MARCHF1: variants seen among roughly 807,000 people sequenced by gnomAD.
The protein encoded by MARCHF1 is membrane associated ring-CH-type finger 1.
Under a neutral mutation model 54.2 loss-of-function variants are expected in MARCHF1, and 40 were observed. The observed-to-expected ratio is 0.74, with a 90% CI of 0.57 to 0.96. The LOEUF is 0.96. Among genes scored for constraint, MARCHF1 ranks in the 40% least tolerant of loss-of-function variants. MARCHF1 has a pLI of 0.00. For synonymous variants in MARCHF1, 236 were observed against 236.3 expected (o/e 1.00, Z 0.01); for missense variants, 586 against 656.5 (o/e 0.89, Z 1.17).
intron 4 of MARCHF1, among the ~76,000 whole-genome samples, chr4:163,744,641 G>A (rs1003897160): frequency 2.0e-5 from 3 of 151,984 alleles, no homozygotes; most frequent in African/African-American, 4.8e-5. Context: ...TTTCTTAATC[G>A]TGCATTGCTT....
intron 1 of MARCHF1, among the ~76,000 whole-genome samples, chr4:164,214,132 C>A (rs1731861844): frequency 6.6e-6 from 1 of 150,976 alleles, no homozygotes; most frequent in Non-Finnish European, 1.5e-5. Flanking sequence ...GTGACACATA[C>A]AACAATATTT....
At chr4:163,613,534 G>A in intron 5 of MARCHF1, 141 bp from the exon 6 acceptor site, 1 of 1,563,884 alleles carries the variant, frequency 6.4e-7, no homozygotes, top group Non-Finnish European at 8.7e-7. Flanking sequence ...AGAGAATATA[G>A]GAAGTTTGAG....
chr4:163,722,785 G>A (rs1470544776), intron 4 of MARCHF1, among the ~76,000 whole-genome samples: 1 of 151,504 alleles, frequency 6.6e-6, no homozygotes, highest in Non-Finnish European at 1.5e-5. Context: ...TTATGTAATG[G>A]CCTTGTCTCT....
chr4:163,894,565 A>C (rs1444191381), intron 3 of MARCHF1, among the ~76,000 whole-genome samples: 1 of 131,096 alleles, frequency 7.6e-6, no homozygotes, highest in Non-Finnish European at 1.7e-5. Flanking sequence ...ACATGCATAT[A>C]TATATATGCA....
chr4:164,115,371 T>C (rs1411648699), intron 1 of MARCHF1, among the ~76,000 whole-genome samples: 2 of 152,076 alleles, frequency 1.3e-5, no homozygotes, highest in Admixed American at 6.6e-5. Context: ...TAAATGAAGA[T>C]ATGGCATGTT....
intron 1 of MARCHF1, among the ~76,000 whole-genome samples, chr4:164,280,005 T>A (rs1158690035): frequency 6.6e-6 from 1 of 151,882 alleles, no homozygotes; most frequent in Admixed American, 6.6e-5. Flanking sequence ...AAATATTTTA[T>A]CACATCAAAA....
intron 3 of MARCHF1, among the ~76,000 whole-genome samples, chr4:163,924,688 G>T (rs950334071): frequency 6.6e-6 from 1 of 151,812 alleles, no homozygotes; most frequent in Non-Finnish European, 1.5e-5. Flanking sequence ...AGAAAATAGG[G>T]ATAGAGAGGA....
chr4:163,982,292 G>C (rs9631751), intron 3 of MARCHF1, among the ~76,000 whole-genome samples: 6,140 of 152,204 alleles, frequency 0.04, 340 homozygotes, highest in East Asian at 0.14. Flanking sequence ...TCTACCCCTT[G>C]GCATTCACCC....
intron 2 of MARCHF1, among the ~76,000 whole-genome samples, chr4:164,015,881 A>G (rs1302396535): frequency 6.6e-6 from 1 of 150,854 alleles, no homozygotes; most frequent in East Asian, 1.9e-4. Flanking sequence ...GCAACTATGG[A>G]AAACAGTATA....
At chr4:164,242,727 T>C (rs986817445) in intron 1 of MARCHF1, among the ~76,000 whole-genome samples, 1 of 152,090 alleles carries the variant, frequency 6.6e-6, no homozygotes, top group Non-Finnish European at 1.5e-5. Flanking sequence ...TTGAAAACTT[T>C]GAAAAAAATT....
chr4:164,313,654 T>G (rs1238777033), intron 1 of MARCHF1, among the ~76,000 whole-genome samples: 1 of 152,228 alleles, frequency 6.6e-6, no homozygotes, highest in East Asian at 1.9e-4. Flanking sequence ...AAATAGTTAC[T>G]AAAGCTTAAA....
At chr4:164,309,006 G>T (rs1354298808) in intron 1 of MARCHF1, among the ~76,000 whole-genome samples, 2 of 151,674 alleles carry the variant, frequency 1.3e-5, no homozygotes, top group Admixed American at 6.6e-5. Flanking sequence ...ATAGCTCAGG[G>T]TTACATAAAA....
intron 5 of MARCHF1, among the ~76,000 whole-genome samples, chr4:163,622,976 C>A (rs1275059469): frequency 6.6e-6 from 1 of 152,050 alleles, no homozygotes; most frequent in African/African-American, 2.4e-5. Flanking sequence ...ATGCAGAGGA[C>A]AAGCTCAGCC....
intron 5 of MARCHF1, among the ~76,000 whole-genome samples, chr4:163,683,263 T>G (rs1017925883): frequency 6.6e-6 from 1 of 152,144 alleles, no homozygotes; most frequent in African/African-American, 2.4e-5. Flanking sequence ...AAAAGGCACA[T>G]CTCACATGGT....
chr4:164,138,676 T>A (rs578072179), intron 1 of MARCHF1, among the ~76,000 whole-genome samples: 1 of 152,288 alleles, frequency 6.6e-6, no homozygotes, highest in East Asian at 1.9e-4. Context: ...ACTCCTCTAC[T>A]TGCCTTGGTG....
intron 3 of MARCHF1, among the ~76,000 whole-genome samples, chr4:163,972,164 C>T (rs1752558542): frequency 6.6e-6 from 1 of 151,676 alleles, no homozygotes; most frequent in Non-Finnish European, 1.5e-5. Context: ...CACATGGACA[C>T]AGGGAGGGGA....
intron 4 of MARCHF1, among the ~76,000 whole-genome samples, chr4:163,814,254 G>GT (rs2111023163): frequency 6.6e-6 from 1 of 152,132 alleles, no homozygotes; most frequent in Non-Finnish European, 1.5e-5. Flanking sequence ...GGCTTCTGGA[G>GT]CTTGGGGCCT....
chr4:163,894,978 A>ATATATATATATG (rs1310903682), intron 3 of MARCHF1, among the ~76,000 whole-genome samples: 1 of 138,678 alleles, frequency 7.2e-6, no homozygotes, highest in Admixed American at 7.0e-5. Context: ...CATGTGATGC[A>ATATATATATATG]CACATATACA....
chr4:163,928,254 G>T (rs148948049), intron 3 of MARCHF1, among the ~76,000 whole-genome samples: 2,165 of 151,694 alleles, frequency 0.014, 45 homozygotes, highest in African/African-American at 0.046. Flanking sequence ...CAATTATTCT[G>T]CTGGGCCAAA....
Sources: gnomAD v4.1 joint callset for allele counts (sites outside exome capture counted in the v4.1 genomes callset) on GRCh38, gnomAD v4.1.1 for gene constraint, MANE v1.5 for transcripts, NCBI Gene and HGNC (gene_info 2026-07-23, HGNC 2026-07-21) for gene names.